RDX: variants seen among roughly 807,000 people sequenced by gnomAD.
The protein encoded by RDX is deafness, autosomal recessive 24.
In RDX, 32 loss-of-function variants were observed where a neutral mutation model predicts 83.7. The ratio of observed to expected loss-of-function variants is 0.38; its 90% confidence interval spans 0.29 to 0.51. The LOEUF is 0.51. RDX is among the 20% of genes least tolerant of loss of function. RDX has a pLI of 0.87. For missense variants in RDX, 600 were observed against 689.9 expected (o/e 0.87, Z 1.46); for synonymous variants, 229 against 222.7 (o/e 1.03, Z -0.25).
chr11:110,233,265 T>G lies in RDX; in HGVS notation c.1559A>C (p.Lys520Thr), dbSNP rs1864710261. The change falls in exon 13 of 14, where the codon AAA becomes ACA. Residue 520 changes from lysine to threonine, a missense_variant. Physicochemically the swap from Lys to Thr is moderately conservative, Grantham distance 78. Transcript: ENST00000645495. ...SEEERVTETQ[K>T]NERVKKQLQA... ...AAGTTGCTTCTTAACACGCTCATTTTTCTGTGTTTCGGTTACACGTTCTTC... is the reference window on the plus strand; with the variant it reads ...AAGTTGCTTCTTAACACGCTCATTTGTCTGTGTTTCGGTTACACGTTCTTC... 6.2e-7 allele frequency: 1 copy of G among 1,613,656 alleles called. No homozygotes were observed. Among genetic ancestry groups the G allele is most frequent in the East Asian group, 2.2e-5 (1 of 44,882 alleles).
chr11:110,175,815 A>G lies in RDX; in HGVS notation c.*32-581T>C, dbSNP rs150072925. ...AGCTATTCAGTAAACTCTGGAGGAG[A>G]TTTATGGGTTTGCTCTGTATGTTGC... On this transcript the variant is annotated intron_variant, in intron 15 of 15. Coordinates refer to the RDX transcript ENST00000528498. 1.7e-3 allele frequency among the ~76,000 whole-genome samples: 256 copies of G among 152,376 alleles called. 1 individual carries two copies. The highest frequency in any genetic ancestry group is 5.0e-3 in the South Asian group (24 of 4,830).
chr11:110,256,649 A>G (rs577120005), intron 7 of RDX, among the ~76,000 whole-genome samples: 16 of 152,324 alleles, frequency 1.1e-4, no homozygotes, highest in Admixed American at 3.3e-4. Flanking sequence ...CAGAGGCGCA[A>G]GAATTGCTAG....
At chr11:110,215,365 AAAATAAATAAAT>A (rs141643262) in intron 14 of RDX, among the ~76,000 whole-genome samples, 55,965 of 141,510 alleles carry the variant, frequency 0.4, 11,107 homozygotes, top group East Asian at 0.56. Flanking sequence ...TCCATCTCAA[AAAATAAATAAAT>A]AAATAAATAA....
intron 3 of RDX, among the ~76,000 whole-genome samples, chr11:110,271,834 C>T (rs969300899): frequency 1.3e-5 from 2 of 152,156 alleles, no homozygotes; most frequent in Non-Finnish European, 2.9e-5. Context: ...ATAGCCTATA[C>T]AGGTTGAGCA....
At chr11:110,211,632 A>C (rs1306040150) in intron 14 of RDX, among the ~76,000 whole-genome samples, 5 of 147,774 alleles carry the variant, frequency 3.4e-5, no homozygotes, top group East Asian at 2.0e-4. Context: ...ATAACAAACT[A>C]TCTCTCAGAC....
At chr11:110,279,655 T>C (rs924164859) in intron 2 of RDX, 26 bp downstream of exon 2, 1 of 1,445,034 alleles carries the variant, frequency 6.9e-7, no homozygotes, top group South Asian at 1.2e-5. Flanking sequence ...ATTGAGACAC[T>C]GTCAAATGTA....
intron 2 of RDX, 95 bp from the exon 3 acceptor site, chr11:110,272,714 T>C (rs1430716867): frequency 6.0e-6 from 5 of 836,982 alleles, no homozygotes; most frequent in Non-Finnish European, 9.8e-6. Context: ...TAAAGTTTTA[T>C]TTTAATCACA....
intron 4 of RDX, 90 bp downstream of exon 4, chr11:110,264,689 T>C: frequency 3.4e-6 from 3 of 889,598 alleles, no homozygotes; most frequent in Non-Finnish European, 5.3e-6. Flanking sequence ...AAAAGGAAGC[T>C]TGCAATCAGT....
intron 14 of RDX, among the ~76,000 whole-genome samples, chr11:110,209,129 G>A (rs577600235): frequency 1.3e-5 from 2 of 152,256 alleles, no homozygotes; most frequent in East Asian, 1.9e-4. Context: ...CAGTGGATGC[G>A]CGCACCGTGC....
intron 1 of RDX, among the ~76,000 whole-genome samples, chr11:110,285,550 GTAAAAA>G (rs947183975): frequency 1.3e-5 from 2 of 151,654 alleles, no homozygotes; most frequent in African/African-American, 4.8e-5. Context: ...CCTGTCTCTA[GTAAAAA>G]TAAAAAATTA....
At chr11:110,224,341 G>T (rs1565300553) in intron 14 of RDX, among the ~76,000 whole-genome samples, 1 of 152,002 alleles carries the variant, frequency 6.6e-6, no homozygotes, top group Non-Finnish European at 1.5e-5. Flanking sequence ...TTATTCTGAG[G>T]TTAATAGTTT....
chr11:110,220,962 A>ATAGGC (rs1864226996), intron 14 of RDX, among the ~76,000 whole-genome samples: 1 of 151,910 alleles, frequency 6.6e-6, no homozygotes, highest in Non-Finnish European at 1.5e-5. Flanking sequence ...GGGGATAACC[A>ATAGGC]TAGGCTACAG....
At chr11:110,223,223 G>A (rs1247638774) in intron 14 of RDX, among the ~76,000 whole-genome samples, 1 of 151,878 alleles carries the variant, frequency 6.6e-6, no homozygotes, top group Non-Finnish European at 1.5e-5. Context: ...GTGGTGGTGG[G>A]CGCCTGTGGT....
At chr11:110,268,979 A>G (rs767075656) in intron 3 of RDX, among the ~76,000 whole-genome samples, 4 of 149,674 alleles carry the variant, frequency 2.7e-5, no homozygotes, top group Admixed American at 6.7e-5. Flanking sequence ...ACATATATAT[A>G]TATTTTTTTA....
chr11:110,295,978 C>T (rs1861439312), intron 1 of RDX, among the ~76,000 whole-genome samples: 1 of 152,254 alleles, frequency 6.6e-6, no homozygotes, highest in South Asian at 2.1e-4. Flanking sequence ...TCCTTTCAAA[C>T]TGGAGGCCGG....
intron 14 of RDX, among the ~76,000 whole-genome samples, chr11:110,224,355 A>G (rs1161161354): frequency 1.3e-5 from 2 of 152,236 alleles, no homozygotes; most frequent in Admixed American, 6.5e-5. Flanking sequence ...ATAGTTTTCA[A>G]CTATAAACCA....
At chr11:110,290,863 C>G (rs1393881266) in intron 1 of RDX, among the ~76,000 whole-genome samples, 1 of 152,146 alleles carries the variant, frequency 6.6e-6, no homozygotes, top group Non-Finnish European at 1.5e-5. Context: ...TGGGTTTAGC[C>G]CATGGACCAC....
chr11:110,264,153 C>T lies in RDX; in HGVS notation c.274G>A (p.Glu92Lys). The T allele has an allele frequency of 6.2e-7, 1 of 1,612,016 alleles. No homozygotes were observed. The highest frequency in any genetic ancestry group is 8.5e-7 in the Non-Finnish European group (1 of 1,178,204). Reference sequence around the variant, plus strand: ...CTCTGGGTTATTTCTTGAATTAATTCCTCAGAAACATCTTCAGGAAAGAAT... The same window carrying T: ...CTCTGGGTTATTTCTTGAATTAATTTCTCAGAAACATCTTCAGGAAAGAAT... ...AKFFPEDVSE[E>K]LIQEITQRLF... Residue 92 changes from glutamate to lysine, a missense_variant, in exon 5 of 14, where the codon GAA (glutamate) becomes AAA (lysine). Glu to Lys is a moderately conservative substitution (Grantham distance 56, BLOSUM62 1). Transcript: ENST00000645495.
chr11:110,193,429 C>T (rs1863140258), intron 15 of RDX, among the ~76,000 whole-genome samples: 1 of 152,086 alleles, frequency 6.6e-6, no homozygotes, highest in African/African-American at 2.4e-5. Flanking sequence ...ATGCTCACTA[C>T]CCGGGTGACA....
Sources: allele counts gnomAD v4.1 joint callset (sites outside exome capture counted in the v4.1 genomes callset), GRCh38; gene constraint gnomAD v4.1.1; transcripts MANE v1.5; gene names NCBI Gene and HGNC (gene_info 2026-07-23, HGNC 2026-07-21).